BUB1B: variants seen among roughly 807,000 people sequenced by gnomAD.
BUB1B encodes the protein BUB1 mitotic checkpoint serine/threonine kinase B.
A neutral mutation model predicts 137.7 loss-of-function variants in BUB1B; 86 were observed. The observed-to-expected ratio is 0.62, with a 90% confidence interval of 0.52 to 0.75. BUB1B has a LOEUF of 0.75. Ranked by LOEUF, BUB1B falls within the 30% of genes least tolerant of loss-of-function variation. The probability of loss-of-function intolerance (pLI) is 0.00; values close to 1 mark genes in which losing one functional copy is unlikely to be tolerated. For synonymous variants in BUB1B, 420 were observed against 417.9 expected, an observed-to-expected ratio of 1.00 and a Z score of -0.06; for missense variants, 1,130 against 1,236.9, an observed-to-expected ratio of 0.91 and a Z score of 1.30.
intron 8 of BUB1B, among the ~76,000 whole-genome samples, chr15:40,188,160 GC>G (rs559157908): frequency 1.9e-3 from 296 of 152,140 alleles, no homozygotes; most frequent in African/African-American, 6.8e-3. Flanking sequence ...CAATTCTCCT[GC>G]CTCAGCCTCC....
chr15:40,161,229 G>A lies in BUB1B; in HGVS notation c.9G>A (p.Ala3=), dbSNP rs7168394. MA[A]VKKEGGALSE... ...TGAGCCAGGAATGCAGGATGGCGGCGGTGAAGAAGGAAGGGGGTGCTCTGA... is the reference window on the plus strand; with the variant it reads ...TGAGCCAGGAATGCAGGATGGCGGCAGTGAAGAAGGAAGGGGGTGCTCTGA... The change falls in exon 1 of 23, where the codon GCG becomes GCA. Residue 3 remains alanine (A), a synonymous_variant. Transcript: ENST00000287598. 6.2e-7 allele frequency: 1 copy of A among 1,613,292 alleles called. No homozygotes were observed. The highest frequency in any genetic ancestry group is 1.7e-5 in the Admixed American group (1 of 59,906).
intron 18 of BUB1B, among the ~76,000 whole-genome samples, chr15:40,211,946 C>T (rs1048282495): frequency 6.6e-6 from 1 of 152,200 alleles, no homozygotes; most frequent in African/African-American, 2.4e-5. Flanking sequence ...TCTCAGCCTC[C>T]CGCGTAGCTG....
intron 22 of BUB1B, among the ~76,000 whole-genome samples, chr15:40,219,678 C>G (rs1424397757): frequency 6.6e-6 from 1 of 151,952 alleles, no homozygotes; most frequent in Non-Finnish European, 1.5e-5. Context: ...TGAGATCGCG[C>G]CACTGCACTC....
chr15:40,201,050 A>C (rs1880839990), intron 12 of BUB1B, 70 bp downstream of exon 12: 1 of 1,420,920 alleles, frequency 7.0e-7, no homozygotes, highest in Non-Finnish European at 9.9e-7. Flanking sequence ...AATGGTAAAT[A>C]TTTTTAATTA....
rs550832943 is a variant in BUB1B, at chr15:40,217,622, C to G, written c.2805C>G (p.Ile935Met). Reference sequence around the variant, plus strand: ...TCAGCGGCTTTCGGACTGTACAGATCCTGGAAGGACAAAAGATCCTGGCTA... The same window carrying G: ...TCAGCGGCTTTCGGACTGTACAGATGCTGGAAGGACAAAAGATCCTGGCTA... ...FTLSGFRTVQ[I>M]LEGQKILANC... is the part of the protein sequence containing the mutation. The change falls in exon 21 of 23, where the codon ATC (isoleucine) becomes ATG (methionine). Residue 935 changes from isoleucine to methionine, a missense_variant. Transcript: ENST00000287598. The G allele has an allele frequency of 2.4e-5, 39 of 1,614,152 alleles. No individual in the cohort carries two copies. The African/African-American group carries it at 5.1e-4, about 21-fold the overall frequency.
chr15:40,210,286 A>G, intron 18 of BUB1B, 76 bp downstream of exon 18: 1 of 1,107,852 alleles, frequency 9.0e-7, no homozygotes, highest in Admixed American at 1.8e-5. Flanking sequence ...TCATGTTACC[A>G]TCAAATCTTT....
At chr15:40,183,074 T>G (rs1020672988) in intron 5 of BUB1B, among the ~76,000 whole-genome samples, 18 of 151,756 alleles carry the variant, frequency 1.2e-4, no homozygotes, top group East Asian at 1.9e-4. Flanking sequence ...TTTTTTGGGG[T>G]TTTTTTTACC....
intron 8 of BUB1B, among the ~76,000 whole-genome samples, chr15:40,195,349 G>GAT (rs1240191744): frequency 6.6e-6 from 1 of 152,102 alleles, no homozygotes; most frequent in Admixed American, 6.5e-5. Context: ...TTTCATGGTA[G>GAT]ATATATACCA....
intron 5 of BUB1B, among the ~76,000 whole-genome samples, chr15:40,182,840 G>A (rs2037310725): frequency 6.6e-6 from 1 of 152,094 alleles, no homozygotes. Flanking sequence ...AAAACCACAA[G>A]AGAAAATAGA....
In BUB1B at chr15:40,202,470, G is replaced by T; in HGVS notation, c.1628+5G>T. The T allele has an allele frequency of 6.2e-7, 1 of 1,610,806 alleles. No homozygotes were observed. Among genetic ancestry groups the T allele is most frequent in the East Asian group, 2.2e-5 (1 of 44,822 alleles). On this transcript the variant is annotated splice_donor_5th_base_variant and intron_variant, in intron 13 of 22. Transcript: ENST00000287598. ...TTCAGAAAAGAAGAATAAAAGGTAC[G>T]TTGTTTTTTTGTTTTTTTGGTTTTT...
At chr15:40,209,537 A>G in intron 16 of BUB1B, 98 bp from the exon 17 acceptor site, 1 of 1,416,108 alleles carries the variant, frequency 7.1e-7, no homozygotes, top group Non-Finnish European at 9.9e-7. Context: ...CTGACTGTGT[A>G]ATCTTGATTT....
rs2037531007 is a variant in BUB1B at position 40,198,929 on chromosome 15, CA to C, written c.1289-683del. Among the ~76,000 whole-genome samples the C allele has an allele frequency of 7.9e-5, 12 of 152,270 alleles. No individual in the cohort carries two copies. In the South Asian group the frequency reaches 2.5e-3, roughly 32 times the overall value. ...TATAGCAAGACCCCATCTCCAAAAA[CA>C]AACAAAACTCCATGTGGCTTAGCCT... On this transcript the variant is annotated intron_variant, in intron 9 of 22. Transcript: ENST00000287598.
chr15:40,188,764 G>A (rs1448852153), intron 8 of BUB1B, among the ~76,000 whole-genome samples: 1 of 151,666 alleles, frequency 6.6e-6, no homozygotes, highest in Admixed American at 6.6e-5. Context: ...TGTATTTTTA[G>A]TAGAGCCATG....
intron 4 of BUB1B, among the ~76,000 whole-genome samples, chr15:40,176,074 G>C (rs1358238160): frequency 1.3e-5 from 2 of 152,020 alleles, no homozygotes; most frequent in African/African-American, 4.8e-5. Flanking sequence ...CCAGCCTCCT[G>C]GGTAGCTAGG....
At chr15:40,166,089 G>C (rs772452209) in intron 2 of BUB1B, among the ~76,000 whole-genome samples, 11 of 152,240 alleles carry the variant, frequency 7.2e-5, no homozygotes, top group Non-Finnish European at 1.5e-4. Context: ...CTGAGCTCAA[G>C]TGATCCGCCC....
intron 19 of BUB1B, 93 bp from the exon 20 acceptor site, chr15:40,213,239 G>A: frequency 2.1e-6 from 3 of 1,423,356 alleles, no homozygotes; most frequent in Non-Finnish European, 2.9e-6. Context: ...AGAGAACAAG[G>A]AAGACTACAA....
intron 15 of BUB1B, among the ~76,000 whole-genome samples, 175 bp downstream of exon 15, chr15:40,206,633 G>A (rs571317462): frequency 6.6e-6 from 1 of 152,162 alleles, no homozygotes; most frequent in Non-Finnish European, 1.5e-5. Context: ...TTTAGTGATT[G>A]ATTTGGATGT....
chr15:40,195,870 C>G (rs954034456), intron 8 of BUB1B, among the ~76,000 whole-genome samples: 1 of 152,098 alleles, frequency 6.6e-6, no homozygotes, highest in African/African-American at 2.4e-5. Context: ...CTGGTAGATT[C>G]TGGATATTAG....
At chr15:40,189,620 AAATT>A (rs2037412377) in intron 8 of BUB1B, among the ~76,000 whole-genome samples, 1 of 152,236 alleles carries the variant, frequency 6.6e-6, no homozygotes, top group East Asian at 1.9e-4. Context: ...CAGTTGATAC[AAATT>A]TTAATTGTTT....
Sources: allele counts gnomAD v4.1 joint callset (sites outside exome capture counted in the v4.1 genomes callset), GRCh38; gene constraint gnomAD v4.1.1; transcripts MANE v1.5; gene names NCBI Gene and HGNC (gene_info 2026-07-23, HGNC 2026-07-21).